SLX9: variants seen among roughly 807,000 people sequenced by gnomAD.
SLX9 encodes ribosome biogenesis protein SLX9 homolog.
In SLX9, 19 loss-of-function variants were observed where a neutral mutation model predicts 20.8. The ratio of observed to expected loss-of-function variants is 0.91; its 90% CI spans 0.64 to 1.34. The LOEUF (loss-of-function observed/expected upper bound fraction) is 1.34, where lower values mean the gene tolerates loss of function less well. SLX9 is among the 40% of genes most tolerant of loss of function. The pLI, the probability that SLX9 is intolerant of heterozygous loss-of-function variation, is 0.00. For synonymous variants in SLX9, 113 were observed against 137.1 expected, an observed-to-expected ratio of 0.82 and a Z score of 1.23; for missense variants, 299 against 322.2, an observed-to-expected ratio of 0.93 and a Z score of 0.55.
chr21:44,951,601 C>T (rs927175974), intron 2 of SLX9, among the ~76,000 whole-genome samples: 10 of 152,144 alleles, frequency 6.6e-5, no homozygotes, highest in Non-Finnish European at 1.5e-4. Context: ...GAAAGCAGCG[C>T]GTATGCACAC....
chr21:44,965,410 T>C (rs2085016878), intron 3 of SLX9, among the ~76,000 whole-genome samples: 2 of 152,170 alleles, frequency 1.3e-5, no homozygotes, highest in African/African-American at 4.8e-5. Flanking sequence ...TTGTCGATAT[T>C]GTGGTCATCT....
chr21:44,944,593 T>C (rs1328458097), intron 2 of SLX9, among the ~76,000 whole-genome samples: 3 of 152,170 alleles, frequency 2.0e-5, no homozygotes, highest in African/African-American at 7.2e-5. Flanking sequence ...AGGGAGTCGG[T>C]GAGGAGCACA....
intron 2 of SLX9, 143 bp from the exon 3 acceptor site, chr21:44,959,957 C>T (rs538558218): frequency 3.1e-5 from 22 of 709,964 alleles, no homozygotes; most frequent in African/African-American, 5.3e-5. Context: ...TGTCCAGAGC[C>T]GGGAGTCTGA....
chr21:44,952,977 G>A (rs2084786209), intron 2 of SLX9, among the ~76,000 whole-genome samples: 1 of 152,154 alleles, frequency 6.6e-6, no homozygotes, highest in Non-Finnish European at 1.5e-5. Context: ...TGGGGCCCCA[G>A]GTGCCACTGT....
At chr21:44,950,245 A>C (rs1326679685) in intron 2 of SLX9, among the ~76,000 whole-genome samples, 1 of 151,672 alleles carries the variant, frequency 6.6e-6, no homozygotes, top group Non-Finnish European at 1.5e-5. Context: ...TCAAAAAAAA[A>C]AAATCCCTTT....
intron 2 of SLX9, among the ~76,000 whole-genome samples, chr21:44,957,765 G>A (rs2084884431): frequency 6.6e-6 from 1 of 152,224 alleles, no homozygotes. Context: ...ATGAGGGTAT[G>A]AGCACCTCGT....
chr21:44,949,272 G>C (rs1279000021), intron 2 of SLX9, among the ~76,000 whole-genome samples: 1 of 152,118 alleles, frequency 6.6e-6, no homozygotes, highest in Non-Finnish European at 1.5e-5. Flanking sequence ...GGCCTTGCCC[G>C]GGGGCTGCTC....
In SLX9 at chr21:44,948,399, G is replaced by A. The variant is rs545796586; in HGVS notation, c.283+4562G>A. Reference sequence around the variant, plus strand: ...CTGGTCATGCAGCATCGGGCGGTCCGGGGAGCTGGTCGTGGAGCACCGGGC... The same window carrying A: ...CTGGTCATGCAGCATCGGGCGGTCCAGGGAGCTGGTCGTGGAGCACCGGGC... On this transcript the variant is annotated intron_variant, in intron 2 of 5. Transcript: ENST00000291634. Among the ~76,000 whole-genome samples the A allele has an allele frequency of 4.7e-3, 716 of 152,072 alleles. 7 individuals carry two copies. Among genetic ancestry groups the A allele is most frequent in the African/African-American group, 0.016 (662 of 41,430 alleles).
chr21:44,976,615 G>T, intron 5 of SLX9, 65 bp from the exon 6 acceptor site: 1 of 1,535,904 alleles, frequency 6.5e-7, no homozygotes, highest in Non-Finnish European at 8.8e-7. Flanking sequence ...TGACGTTTCC[G>T]GGTGTTGAGG....
intron 2 of SLX9, among the ~76,000 whole-genome samples, chr21:44,949,114 G>A (rs1256692309): frequency 2.6e-5 from 4 of 152,322 alleles, no homozygotes; most frequent in African/African-American, 9.6e-5. Flanking sequence ...GCAGGGAGAG[G>A]CCAGGCAGCA....
chr21:44,974,281 G>T (rs1054055355), intron 5 of SLX9, among the ~76,000 whole-genome samples: 1 of 152,192 alleles, frequency 6.6e-6, no homozygotes, highest in Admixed American at 6.5e-5. Flanking sequence ...TGCCTTTCCA[G>T]TTGAGAGTCT....
chr21:44,945,902 T>G (rs1243211299), intron 2 of SLX9, among the ~76,000 whole-genome samples: 25 of 151,594 alleles, frequency 1.6e-4, no homozygotes, highest in Non-Finnish European at 4.4e-5. Context: ...GCCCGGCTAA[T>G]TTTTGTATTT....
chr21:44,976,676 T>C lies in SLX9; in HGVS notation c.570-4T>C, dbSNP rs1487189360. The C allele has an allele frequency of 2.5e-6, 4 of 1,580,676 alleles. No individual in the cohort carries two copies. The South Asian group carries it at 4.6e-5, about 18-fold the overall frequency. On this transcript the variant is annotated splice_region_variant and splice_polypyrimidine_tract_variant and intron_variant, in intron 5 of 5. Coordinates refer to ENST00000291634, the MANE Select transcript of SLX9 (RefSeq NM_058190.4). ...CTGCTGATCTGTGGTCTCCATTCTT[T>C]CAGCGAGGAAGAAAGGACCCGGTTT...
In SLX9 at chr21:44,973,221, C is replaced by A. The variant is rs774524575; in HGVS notation, c.525C>A (p.Pro175=). 1.4e-5 allele frequency: 22 copies of A among 1,613,106 alleles called. No homozygotes were observed. Among genetic ancestry groups the A allele is most frequent in the Non-Finnish European group, 1.8e-5 (21 of 1,179,758 alleles). The change falls in exon 5 of 6, where the codon CCC becomes CCA. Residue 175 remains proline (P), a synonymous_variant. Transcript: ENST00000291634. The part of the protein sequence containing the change: ...ARSRESNKPR[P]SELSRMSAAQ... ...GCAGGGAGAGCAACAAGCCCCGGCC[C>A]TCAGAGCTCAGCCGGATGAGCGCAG...
intron 5 of SLX9, among the ~76,000 whole-genome samples, chr21:44,974,521 G>C (rs2085226140): frequency 6.6e-6 from 1 of 152,202 alleles, no homozygotes; most frequent in African/African-American, 2.4e-5. Flanking sequence ...TCTAGGTGAA[G>C]TATAGATAGT....
chr21:44,961,236 CT>C (rs11372824), intron 3 of SLX9, among the ~76,000 whole-genome samples: 4 of 151,010 alleles, frequency 2.6e-5, no homozygotes, highest in Non-Finnish European at 5.9e-5. Context: ...GCACTTGGTC[CT>C]TTTTTTTTGT....
chr21:44,974,901 A>G (rs1241194860), intron 5 of SLX9, among the ~76,000 whole-genome samples: 7 of 152,188 alleles, frequency 4.6e-5, no homozygotes, highest in Non-Finnish European at 2.9e-5. Flanking sequence ...CTGCCTGGAC[A>G]GGGCGACGGG....
At chr21:44,966,713 T>A (rs909346735) in intron 3 of SLX9, among the ~76,000 whole-genome samples, 1 of 152,206 alleles carries the variant, frequency 6.6e-6, no homozygotes, top group African/African-American at 2.4e-5. Flanking sequence ...CTGTCCCCTC[T>A]GCTCGGTGGC....
chr21:44,957,781 C>A (rs993394227), intron 2 of SLX9, among the ~76,000 whole-genome samples: 5 of 152,254 alleles, frequency 3.3e-5, no homozygotes, highest in Non-Finnish European at 5.9e-5. Flanking sequence ...CTCGTCTAGC[C>A]TTGCCTCAGC....
Sources: gnomAD v4.1 joint callset for allele counts (sites outside exome capture counted in the v4.1 genomes callset) on GRCh38, gnomAD v4.1.1 for gene constraint, MANE v1.5 for transcripts, NCBI Gene and HGNC (gene_info 2026-07-23, HGNC 2026-07-21) for gene names.